NCKAP5: variants seen among roughly 807,000 people sequenced by gnomAD.
NCKAP5 encodes NCK associated protein 5.
Under a neutral mutation model 167.0 loss-of-function variants are expected in NCKAP5, and 92 were observed. That is an observed-to-expected ratio of 0.55 (90% CI 0.47 to 0.66). The LOEUF is 0.66. Among genes scored for constraint, NCKAP5 ranks in the 30% least tolerant of loss-of-function variants. NCKAP5 has a pLI of 0.00. For synonymous variants in NCKAP5, 891 were observed against 877.4 expected, an observed-to-expected ratio of 1.02 and a Z score of -0.27; for missense variants, 2,378 against 2,315.0, an observed-to-expected ratio of 1.03 and a Z score of -0.56.
intron 19 of NCKAP5, among the ~76,000 whole-genome samples, chr2:132,702,098 C>A (rs73957621): frequency 1.3e-5 from 2 of 152,072 alleles, no homozygotes; most frequent in Non-Finnish European, 2.9e-5. Context: ...AGTAAAAGAA[C>A]GTGTCCTTCC....
intron 5 of NCKAP5, among the ~76,000 whole-genome samples, chr2:133,188,936 G>A (rs1358979850): frequency 6.6e-6 from 1 of 152,114 alleles, no homozygotes; most frequent in African/African-American, 2.4e-5. Context: ...ACTAAGATCA[G>A]AGAAGAACTG....
the NCKAP5 span, among the ~76,000 whole-genome samples, chr2:133,578,549 T>C: frequency 6.6e-6 from 1 of 152,142 alleles, no homozygotes; most frequent in Non-Finnish European, 1.5e-5. Context: ...TGTAGGAGCA[T>C]AAACGCCAAG....
At chr2:133,003,458 G>C (rs1442116614) in intron 6 of NCKAP5, among the ~76,000 whole-genome samples, 1 of 152,142 alleles carries the variant, frequency 6.6e-6, no homozygotes, top group African/African-American at 2.4e-5. Context: ...TGCGCCACTT[G>C]TTTTCTTAGA....
chr2:133,614,856 C>T, the NCKAP5 span, among the ~76,000 whole-genome samples: 2 of 152,028 alleles, frequency 1.3e-5, no homozygotes, highest in Non-Finnish European at 2.9e-5. Flanking sequence ...GTCAGATTCA[C>T]CAAAGTTGAA....
In NCKAP5 at chr2:132,759,114, T is replaced by C. The variant is rs150637778; in HGVS notation, c.5128+14702A>G. On this transcript the variant is annotated intron_variant, in intron 16 of 19. Coordinates refer to ENST00000409261, the MANE Select transcript of NCKAP5 (RefSeq NM_207363.3). Reference sequence around the variant, plus strand: ...TCATCCTGTAAGTGTTCTGCTACAATTGGCTTTTTTTTTTCCAATCAACAT... The same window carrying C: ...TCATCCTGTAAGTGTTCTGCTACAACTGGCTTTTTTTTTTCCAATCAACAT... Among the ~76,000 whole-genome samples the C allele has an allele frequency of 4.6e-4, 70 of 152,266 alleles. 1 individual carries two copies. The South Asian group carries it at 9.1e-3, about 20-fold the overall frequency.
chr2:133,244,186 C>T (rs1289292105), intron 4 of NCKAP5, among the ~76,000 whole-genome samples: 2 of 152,084 alleles, frequency 1.3e-5, no homozygotes, highest in African/African-American at 4.8e-5. Flanking sequence ...TTTCAGTAAA[C>T]AAGTTTGATA....
chr2:132,785,627 C>T lies in NCKAP5; in HGVS notation c.1184G>A (p.Arg395His), dbSNP rs199622742. Residue 395 changes from arginine to histidine, a missense_variant, in exon 14 of 20, where the codon CGT becomes CAT. Arg to His is a conservative substitution (Grantham distance 29, BLOSUM62 0). Transcript: ENST00000409261. Reference sequence around the variant, plus strand: ...TTCCAAAATGTGGCTTTCCTTGATACGAGTTGGAGGTAGTTCATTTGTAGG... The same window carrying T: ...TTCCAAAATGTGGCTTTCCTTGATATGAGTTGGAGGTAGTTCATTTGTAGG... ...ASPTNELPPT[R>H]IKESHILEGL... 7.8e-5 allele frequency: 121 copies of T among 1,557,128 alleles called. No homozygotes were observed. The African/African-American group carries it at 1.2e-3, about 16-fold the overall frequency.
the NCKAP5 span, among the ~76,000 whole-genome samples, chr2:133,636,192 G>A: frequency 1.3e-5 from 2 of 152,144 alleles, no homozygotes; most frequent in Non-Finnish European, 2.9e-5. Flanking sequence ...GAGGTCTGTT[G>A]GTTTTTAGAA....
intron 3 of NCKAP5, among the ~76,000 whole-genome samples, chr2:133,357,288 G>GACAC (rs10635907): frequency 0.074 from 10,363 of 140,110 alleles, 425 homozygotes; most frequent in East Asian, 0.14. Context: ...CACATACACA[G>GACAC]ACACACACAC....
intron 5 of NCKAP5, among the ~76,000 whole-genome samples, chr2:133,197,687 A>T (rs992521618): frequency 6.6e-6 from 1 of 152,190 alleles, no homozygotes; most frequent in African/African-American, 2.4e-5. Flanking sequence ...ATGATGGCTC[A>T]TGCCTGTAAT....
intron 19 of NCKAP5, among the ~76,000 whole-genome samples, chr2:132,683,880 G>A (rs979129167): frequency 6.6e-6 from 1 of 152,170 alleles, no homozygotes; most frequent in Non-Finnish European, 1.5e-5. Context: ...GACTACCTGA[G>A]TGATAAACCT....
intron 3 of NCKAP5, among the ~76,000 whole-genome samples, chr2:133,361,403 A>C (rs1000956534): frequency 1.3e-5 from 2 of 152,228 alleles, no homozygotes; most frequent in East Asian, 3.9e-4. Context: ...TCAAGACCCA[A>C]AGTCCTATTT....
intron 16 of NCKAP5, among the ~76,000 whole-genome samples, chr2:132,765,723 C>A (rs185164188): frequency 6.6e-6 from 1 of 152,284 alleles, no homozygotes; most frequent in African/African-American, 2.4e-5. Context: ...GTCCCTAATA[C>A]CCATTAACTC....
In NCKAP5 at chr2:133,451,335, T is replaced by C. The variant is rs138098912; in HGVS notation, c.69+66123A>G. Among the ~76,000 whole-genome samples, 445 of 152,312 alleles carry C rather than the reference T, an allele frequency of 2.9e-3. 2 individuals carry two copies. The highest frequency in any genetic ancestry group is 0.01 in the African/African-American group (432 of 41,592). ...GCATTTCACCACTGCAAATAATTGA[T>C]GGCCAAAGTTTCAGTCAGGTGGGTC... is the stretch of plus-strand genomic sequence containing the variant. On this transcript the variant is annotated intron_variant, in intron 3 of 19. Transcript: ENST00000409261.
intron 3 of NCKAP5, among the ~76,000 whole-genome samples, chr2:133,350,339 G>C (rs1485240160): frequency 6.6e-6 from 1 of 152,076 alleles, no homozygotes; most frequent in Non-Finnish European, 1.5e-5. Flanking sequence ...CTTGGACCCA[G>C]GATTTTGAGG....
intron 4 of NCKAP5, among the ~76,000 whole-genome samples, chr2:133,253,557 C>T (rs1044296277): frequency 2.6e-5 from 4 of 152,132 alleles, no homozygotes; most frequent in African/African-American, 7.2e-5. Flanking sequence ...CCTCACCCCC[C>T]GTTTCATCAT....
chr2:133,638,528 G>A, the NCKAP5 span, among the ~76,000 whole-genome samples: 3 of 152,140 alleles, frequency 2.0e-5, no homozygotes, highest in East Asian at 1.9e-4. Flanking sequence ...ATGGCACTAC[G>A]TCCAAATGTT....
chr2:132,907,629 T>A (rs140816455), intron 8 of NCKAP5, among the ~76,000 whole-genome samples: 149 of 152,076 alleles, frequency 9.8e-4, no homozygotes, highest in African/African-American at 3.4e-3. Context: ...TAGAGGTGTT[T>A]AGATAAACAT....
the NCKAP5 span, among the ~76,000 whole-genome samples, chr2:133,581,717 C>G: frequency 1.3e-5 from 2 of 152,290 alleles, no homozygotes; most frequent in South Asian, 2.1e-4. Flanking sequence ...CTTTCTCAGA[C>G]AACTCAAACC....
Sources: gnomAD v4.1 joint callset for allele counts (sites outside exome capture counted in the v4.1 genomes callset) on GRCh38, gnomAD v4.1.1 for gene constraint, MANE v1.5 for transcripts, NCBI Gene and HGNC (gene_info 2026-07-23, HGNC 2026-07-21) for gene names.